UNC79: variants seen among roughly 807,000 people sequenced by gnomAD.
UNC79 encodes the protein unc-79 subunit of NALCN channel complex, also known as protein unc-79 homolog.
In UNC79, 37 loss-of-function variants were observed where a neutral mutation model predicts 283.1. The observed-to-expected ratio is 0.13, with a 90% CI of 0.10 to 0.17. The LOEUF is 0.17. Ranked by LOEUF, UNC79 falls within the 10% of genes least tolerant of loss-of-function variation. The pLI is 1.00. For missense variants in UNC79, 2,272 were observed against 3,211.1 expected (o/e 0.71, Z 7.07); for synonymous variants, 1,107 against 1,200.2 (o/e 0.92, Z 1.61).
At chr14:93,388,563 T>C (rs2054824321) in intron 1 of UNC79, among the ~76,000 whole-genome samples, 1 of 152,216 alleles carries the variant, frequency 6.6e-6, no homozygotes, top group African/African-American at 2.4e-5. Flanking sequence ...CCAGAAGAGG[T>C]TGCAGCAATT....
chr14:93,537,276 T>G (rs2061137486), intron 11 of UNC79, among the ~76,000 whole-genome samples: 1 of 152,236 alleles, frequency 6.6e-6, no homozygotes, highest in African/African-American at 2.4e-5. Context: ...TGGAAATGTC[T>G]TACGCTCCAC....
Position 93,617,400 on chromosome 14 carries a change from T to A in UNC79, c.4224+96T>A. The A allele has an allele frequency of 7.4e-7, 1 of 1,350,950 alleles. No homozygotes were observed. The highest frequency in any genetic ancestry group is 1.0e-6 in the Non-Finnish European group (1 of 1,001,928). The allele number at this position is 1,350,950 out of a possible 1,614,324, so 83.7% of individuals were successfully genotyped here. A position where few individuals can be genotyped will look rare whatever the true frequency, so the allele number is the denominator to read the frequency against. ...CCTGAGTCTTTAGTTGAAAATTTTG[T>A]AGAAGTTTGACCTTCAGAAGGAAGA... On this transcript the variant is annotated intron_variant, in intron 28 of 48. Coordinates refer to ENST00000555664, the Ensembl canonical transcript of UNC79. The surrounding 1 kb of genome is among the most constrained non-coding windows in gnomAD (Gnocchi z 4.5).
At chr14:93,445,113 A>G (rs1169950541) in intron 1 of UNC79, among the ~76,000 whole-genome samples, 8 of 152,280 alleles carry the variant, frequency 5.3e-5, no homozygotes, top group East Asian at 1.9e-4. Context: ...GTTAGTATAG[A>G]TAAATACAAT....
Position 93,690,018 on chromosome 14 carries a change from A to G in UNC79, c.7086-99A>G. ...GTTTTGTTTTATGTGATTGCCTGCA[A>G]GACCACACTTTCAATCCCTTCCTTC... On this transcript the variant is annotated intron_variant, in intron 44 of 48. Coordinates refer to ENST00000555664, the Ensembl canonical transcript of UNC79. The surrounding 1 kb of genome is among the most constrained non-coding windows in gnomAD (Gnocchi z 4.3). 1 of 1,364,528 alleles carries G rather than the reference A, an allele frequency of 7.3e-7. No individual in the cohort carries two copies. The allele number at this position is 1,364,528 out of a possible 1,614,324, so 84.5% of individuals were successfully genotyped here. A position where few individuals can be genotyped will look rare whatever the true frequency, so the allele number is the denominator to read the frequency against.
intron 47 of UNC79, among the ~76,000 whole-genome samples, chr14:93,701,762 C>T (rs1010837706): frequency 1.3e-5 from 2 of 152,184 alleles, no homozygotes; most frequent in East Asian, 1.9e-4. Context: ...CATTTAGTCA[C>T]GTGATTTGCA....
At chr14:93,641,194 T>C in exon 33 of UNC79, 3 of 1,613,890 alleles carry the variant, frequency 1.9e-6, no homozygotes, top group Non-Finnish European at 2.5e-6. Flanking sequence ...TCAGTATGTT[T>C]GTGCCTGCAC....
intron 7 of UNC79, among the ~76,000 whole-genome samples, chr14:93,502,499 T>TA (rs55690225): frequency 3.3e-5 from 5 of 151,976 alleles, no homozygotes; most frequent in Admixed American, 6.6e-5. Flanking sequence ...TTCTCCTGTT[T>TA]AAAAAAAATG....
chr14:93,426,747 A>G (rs1186540015), upstream of UNC79, among the ~76,000 whole-genome samples: 1 of 150,012 alleles, frequency 6.7e-6, no homozygotes, highest in African/African-American at 2.5e-5. Context: ...CTCTACTGAC[A>G]TCTTTACAAT....
intron 4 of UNC79, among the ~76,000 whole-genome samples, chr14:93,486,675 A>AAAAAG (rs1566986520): frequency 5.4e-5 from 8 of 148,070 alleles, no homozygotes; most frequent in African/African-American, 9.9e-5. Context: ...AAAAAAAAAA[A>AAAAAG]AAAGAAAGAA....
At position 93,686,641 on chromosome 14, in the gene UNC79, C is replaced by G. The variant is rs377409149; in HGVS notation, c.6889C>G (p.His2297Asp). Residue 2297 changes from histidine (H) to aspartate (D), a missense_variant, in exon 43 of 49, where the codon CAC (histidine) becomes GAC (aspartate). His to Asp is a moderately conservative substitution (Grantham distance 81). Around this residue, in one of 11 missense-constraint regions of UNC79, gnomAD observed 287 missense variants for 446.4 expected, o/e 0.64. Transcript: ENST00000555664. ...AGTGCTGGATTTCATGGCAGACATGCACACGCTGACCAAACTGAAGGTGAG... is the reference window on the plus strand; with the variant it reads ...AGTGCTGGATTTCATGGCAGACATGGACACGCTGACCAAACTGAAGGTGAG... The G allele has an allele frequency of 8.6e-5, 139 of 1,614,016 alleles. No individual in the cohort carries two copies. The highest frequency in any genetic ancestry group is 1.1e-4 in the Non-Finnish European group (132 of 1,180,002).
intron 22 of UNC79, among the ~76,000 whole-genome samples, chr14:93,592,816 T>G (rs749749245): frequency 3.3e-4 from 51 of 152,342 alleles, no homozygotes; most frequent in Non-Finnish European, 6.2e-4. Context: ...GATAGGAACT[T>G]AGCTGAAACT....
chr14:93,479,441 G>C (rs2058004061), intron 4 of UNC79, among the ~76,000 whole-genome samples: 1 of 152,076 alleles, frequency 6.6e-6, no homozygotes, highest in South Asian at 2.1e-4. Flanking sequence ...GGGACTACAG[G>C]CACCAGCCAC....
At chr14:93,597,398 A>G in exon 24 of UNC79, 2 of 1,614,080 alleles carry the variant, frequency 1.2e-6, no homozygotes, top group Non-Finnish European at 1.7e-6. Flanking sequence ...CTGGATATTC[A>G]CTCAGTAACC....
chr14:93,386,357 G>T (rs533093882), intron 1 of UNC79, among the ~76,000 whole-genome samples: 3 of 152,268 alleles, frequency 2.0e-5, no homozygotes, highest in African/African-American at 7.2e-5. Context: ...TTAATGTGCT[G>T]TTGAATTTGG....
At chr14:93,590,766 T>C (rs1057378717) in intron 22 of UNC79, among the ~76,000 whole-genome samples, 2 of 152,202 alleles carry the variant, frequency 1.3e-5, no homozygotes, top group African/African-American at 4.8e-5. Flanking sequence ...GAAAGGCGAA[T>C]GGGACTGGCC....
At position 93,617,796 on chromosome 14, in the gene UNC79, C is replaced by T. The variant is rs1281132543; in HGVS notation, c.4225-396C>T. ...GTGGCTCACTGCTGTAATCCCAGCACTTATGGGAGGCCGAGGTGGGTAGGT... is the reference window on the plus strand; with the variant it reads ...GTGGCTCACTGCTGTAATCCCAGCATTTATGGGAGGCCGAGGTGGGTAGGT... On this transcript the variant is annotated intron_variant, in intron 28 of 48. Coordinates refer to ENST00000555664, the Ensembl canonical transcript of UNC79. This position sits in a 1 kb window ranked among gnomAD's most constrained non-coding sequence, Gnocchi z 4.5. 1.3e-5 allele frequency among the ~76,000 whole-genome samples: 2 copies of T among 152,054 alleles called. No individual in the cohort carries two copies. The highest frequency in any genetic ancestry group is 3.9e-4 in the East Asian group (2 of 5,184).
intron 14 of UNC79, among the ~76,000 whole-genome samples, chr14:93,568,543 G>T (rs563867594): frequency 6.6e-6 from 1 of 151,852 alleles, no homozygotes; most frequent in East Asian, 1.9e-4. Flanking sequence ...GTGTGGTGGC[G>T]GGTGGCTGTA....
At chr14:93,399,283 C>G (rs1190263384) in intron 1 of UNC79, among the ~76,000 whole-genome samples, 1 of 152,074 alleles carries the variant, frequency 6.6e-6, no homozygotes, top group East Asian at 1.9e-4. Context: ...TGGGTGGGGA[C>G]ACAGCCAAAC....
At chr14:93,557,955 C>T (rs1054695874) in intron 14 of UNC79, among the ~76,000 whole-genome samples, 1 of 152,178 alleles carries the variant, frequency 6.6e-6, no homozygotes, top group Non-Finnish European at 1.5e-5. Flanking sequence ...TGAAAATTTC[C>T]ACCCTGTGGA....
Sources: gnomAD v4.1 joint callset for allele counts (sites outside exome capture counted in the v4.1 genomes callset) on GRCh38, gnomAD v4.1.1 for gene constraint, gnomAD v4.1.1 regional missense constraint, Gnocchi (gnomAD v3.1) non-coding constraint, MANE v1.5 for transcripts, NCBI Gene and HGNC (gene_info 2026-07-23, HGNC 2026-07-21) for gene names.